The following HROB variants were observed in gnomAD, a reference collection of about 807,000 sequenced individuals.
The protein encoded by HROB is homologous recombination OB-fold protein.
In HROB, 44 loss-of-function variants were observed where a neutral mutation model predicts 61.0. That is an observed-to-expected ratio of 0.72 (90% CI 0.57 to 0.93). HROB has a LOEUF of 0.93. HROB is among the 40% of genes least tolerant of loss of function. The pLI is 0.00. For missense variants in HROB, 716 were observed against 796.2 expected (o/e 0.90, Z 1.21); for synonymous variants, 301 against 310.4 (o/e 0.97, Z 0.32).
rs1349100663 is a variant in HROB at position 44,162,210 on chromosome 17, T to C, written c.*278T>C. 2.4e-6 allele frequency: 1 copy of C among 415,056 alleles called. No individual in the cohort carries two copies. The highest frequency in any genetic ancestry group is 2.0e-5 in the African/African-American group (1 of 49,226). 25.7% of individuals were successfully genotyped at this position (415,056 alleles called of 1,614,324 possible). The stretch of plus-strand genomic sequence containing the variant: ...GTCACCCTCGCCTTGGGTGTCCCTC[T>C]CCTGCCTCAGCTTAATTTTAGAGGA... On this transcript the variant is annotated 3_prime_UTR_variant, in exon 10 of 10. Coordinates refer to ENST00000585683, the MANE Select transcript of HROB (RefSeq NM_001171251.3).
intron 9 of HROB, among the ~76,000 whole-genome samples, chr17:44,158,814 T>A (rs905405701): frequency 6.6e-6 from 1 of 152,024 alleles, no homozygotes; most frequent in African/African-American, 2.4e-5. Flanking sequence ...CCCAGCTAAT[T>A]TTTTGTGTAT....
Position 44,148,632 on chromosome 17 carries a change from G to A in HROB, c.829G>A (p.Ala277Thr), listed in dbSNP as rs939252942. The stretch of plus-strand genomic sequence containing the variant: ...CTGTCCGCAACGCTCCCCTGTTCAA[G>A]CACTTCAGCCTCTCCAAGCTGCTAG... ...EVCPQRSPVQALQPLQAARGT... is the reference protein window; with the variant it reads ...EVCPQRSPVQTLQPLQAARGT... The change falls in exon 3 of 10, where the codon GCA (alanine) becomes ACA (threonine). Residue 277 changes from alanine to threonine, a missense_variant. Transcript: ENST00000585683. 1.9e-6 allele frequency: 3 copies of A among 1,613,556 alleles called. No homozygotes were observed. Among genetic ancestry groups the A allele is most frequent in the African/African-American group, 2.7e-5 (2 of 75,016 alleles).
Position 44,150,443 on chromosome 17 carries a change from G to A in HROB, c.1225-518G>A, listed in dbSNP as rs193053086. Among the ~76,000 whole-genome samples the A allele has an allele frequency of 5.0e-4, 76 of 150,808 alleles. 1 individual carries two copies. Among genetic ancestry groups the A allele is most frequent in the Non-Finnish European group, 1.2e-4 (8 of 67,818 alleles). ...CTTGCTCTCTCGTCCAGGCAGGAGT[G>A]CAGTGGCACAATCTCGGCTCACTGC... On this transcript the variant is annotated intron_variant, in intron 3 of 9. Transcript: ENST00000585683.
intron 2 of HROB, among the ~76,000 whole-genome samples, chr17:44,145,548 G>T (rs1598084723): frequency 6.6e-6 from 1 of 152,232 alleles, no homozygotes. Flanking sequence ...CATACTTGCA[G>T]TGGGAAGGGC....
At position 44,162,374 on chromosome 17, in the gene HROB, T is replaced by C; in HGVS notation, c.*442T>C. 5.8e-6 allele frequency: 1 copy of C among 172,304 alleles called. No homozygotes were observed. Among genetic ancestry groups the C allele is most frequent in the Non-Finnish European group, 1.2e-5 (1 of 80,738 alleles). 10.7% of individuals were successfully genotyped at this position (172,304 alleles called of 1,614,324 possible). Reference sequence around the variant, plus strand: ...GCTCAGGCTTCCTCTGCTTTGTCTCTTCAGACCTGTGGTTGCTCTGCTCAT... The same window carrying C: ...GCTCAGGCTTCCTCTGCTTTGTCTCCTCAGACCTGTGGTTGCTCTGCTCAT... On this transcript the variant is annotated 3_prime_UTR_variant, in exon 10 of 10. Transcript: ENST00000585683.
In HROB at chr17:44,142,153, CGCGCCCAGCTTGG is replaced by C. The variant is rs1168467981; in HGVS notation, c.3+10_3+22del. ...CCACCCGCCGTCGCTATGGTAATGC[CGCGCCCAGCTTGG>C]GGGCTGGCGGGCCGCAGGGCCCCCT... On this transcript the variant is annotated intron_variant, in intron 1 of 9. Coordinates refer to ENST00000585683, the MANE Select transcript of HROB (RefSeq NM_001171251.3). The C allele has an allele frequency of 6.6e-7, 1 of 1,523,020 alleles. No homozygotes were observed. The highest frequency in any genetic ancestry group is 8.8e-7 in the Non-Finnish European group (1 of 1,140,530). The allele number at this position is 1,523,020 out of a possible 1,614,324, so 94.3% of individuals were successfully genotyped here. A position where few individuals can be genotyped will look rare whatever the true frequency, so the allele number is the denominator to read the frequency against.
At chr17:44,159,909 C>G (rs1267022409) in intron 9 of HROB, among the ~76,000 whole-genome samples, 1 of 152,248 alleles carries the variant, frequency 6.6e-6, no homozygotes, top group Non-Finnish European at 1.5e-5. Context: ...GTTGAAGCCT[C>G]CAGATGATTG....
At chr17:44,143,542 G>A (rs2905982) in intron 1 of HROB, among the ~76,000 whole-genome samples, 58,762 of 151,706 alleles carry the variant, frequency 0.39, 13,007 homozygotes, top group East Asian at 0.71. Flanking sequence ...TACTTGGGAG[G>A]CTAAGGCAGG....
intron 1 of HROB, among the ~76,000 whole-genome samples, chr17:44,144,249 C>T (rs910741508): frequency 3.9e-5 from 6 of 152,078 alleles, no homozygotes; most frequent in Non-Finnish European, 5.9e-5. Context: ...AAGCGATTCT[C>T]CTGCCTCAGC....
chr17:44,161,810 C>T (rs2054148913), intron 9 of HROB, 61 bp from the exon 10 acceptor site: 1 of 1,573,614 alleles, frequency 6.4e-7, no homozygotes, highest in Non-Finnish European at 8.7e-7. Flanking sequence ...AAACTTTGGA[C>T]CTGAGTCACA....
rs373094846 is a variant in HROB at position 44,147,925 on chromosome 17, G to C, written c.122G>C (p.Arg41Pro). ...GGCTCACTGCCTGTGAATGCTGGGCGCCTGAGACCTGTCTCTTCTAGGCCA... is the reference window on the plus strand; with the variant it reads ...GGCTCACTGCCTGTGAATGCTGGGCCCCTGAGACCTGTCTCTTCTAGGCCA... The part of the protein sequence containing the change: ...FTGSLPVNAG[R>P]LRPVSSRPQE... Residue 41 changes from arginine (R) to proline (P), a missense_variant, in exon 3 of 10, where the codon CGC (arginine) becomes CCC (proline). Physicochemically the swap from Arg to Pro is moderately radical, Grantham distance 103. Coordinates refer to ENST00000585683, the MANE Select transcript of HROB (RefSeq NM_001171251.3). 1.9e-6 allele frequency: 3 copies of C among 1,613,990 alleles called. No homozygotes were observed. Among genetic ancestry groups the C allele is most frequent in the Non-Finnish European group, 2.5e-6 (3 of 1,180,022 alleles).
intron 8 of HROB, among the ~76,000 whole-genome samples, chr17:44,155,856 G>A (rs1331960230): frequency 2.0e-5 from 3 of 152,172 alleles, no homozygotes; most frequent in Non-Finnish European, 4.4e-5. Context: ...TAAATTAGGG[G>A]GAAGCTGCAC....
At chr17:44,158,791 G>A (rs970718357) in intron 9 of HROB, among the ~76,000 whole-genome samples, 1 of 151,956 alleles carries the variant, frequency 6.6e-6, no homozygotes, top group East Asian at 1.9e-4. Context: ...GACTACAGGC[G>A]CCCGCCACCA....
At chr17:44,153,486 G>T (rs1338129619) in intron 5 of HROB, among the ~76,000 whole-genome samples, 1 of 152,062 alleles carries the variant, frequency 6.6e-6, no homozygotes, top group East Asian at 1.9e-4. Flanking sequence ...GGGCGTGGTG[G>T]CTCACACCTA....
At position 44,151,915 on chromosome 17, in the gene HROB, C is replaced by T. The variant is rs1185457593; in HGVS notation, c.1309-722C>T. 2.0e-5 allele frequency among the ~76,000 whole-genome samples: 3 copies of T among 151,966 alleles called. No individual in the cohort carries two copies. In the East Asian group the frequency reaches 5.8e-4, roughly 29 times the overall value. ...AGGCTGGAGTGCAGTGTCGTGATCT[C>T]GGCTCACTGCAACCTCCGCCTCCTG... On this transcript the variant is annotated intron_variant, in intron 4 of 9. Transcript: ENST00000585683.
At chr17:44,143,289 A>C (rs1236751906) in intron 1 of HROB, among the ~76,000 whole-genome samples, 1 of 151,878 alleles carries the variant, frequency 6.6e-6, no homozygotes, top group East Asian at 2.0e-4. Context: ...TGGGAGGATC[A>C]CTTGAGCCCA....
chr17:44,150,172 G>C (rs1179007945), intron 3 of HROB, among the ~76,000 whole-genome samples: 1 of 152,292 alleles, frequency 6.6e-6, no homozygotes, highest in African/African-American at 2.4e-5. Context: ...GGACTCTGAG[G>C]ATCTGGACTG....
chr17:44,152,730 C>A lies in HROB; in HGVS notation c.1402C>A (p.Pro468Thr), dbSNP rs779435823. Residue 468 changes from proline (P) to threonine (T), a missense_variant, in exon 5 of 10, where the codon CCT (proline) becomes ACT (threonine). Coordinates refer to ENST00000585683, the MANE Select transcript of HROB (RefSeq NM_001171251.3). ...CACGCTAGGCCTGGATGAGAGAGAC[C>A]CTAGCTGCTTCCTCTGTACCTACAG... Reference protein sequence around the residue: ...KSTLGLDERDPSCFLCTYSIV... With the variant: ...KSTLGLDERDTSCFLCTYSIV... The A allele has an allele frequency of 6.2e-7, 1 of 1,614,116 alleles. No homozygotes were observed. The highest frequency in any genetic ancestry group is 1.3e-5 in the African/African-American group (1 of 75,034).
At position 44,159,386 on chromosome 17, in the gene HROB, A is replaced by G. The variant is rs558554966; in HGVS notation, c.1879+1445A>G. The stretch of plus-strand genomic sequence containing the variant: ...CAAGAGCTGAAGGGACATTGTGAGA[A>G]GTGACCAGAAGACAAGAGTTGGGTG... On this transcript the variant is annotated intron_variant, in intron 9 of 9. Transcript: ENST00000585683. 4.6e-5 allele frequency among the ~76,000 whole-genome samples: 7 copies of G among 152,356 alleles called. No homozygotes were observed. In the East Asian group the frequency reaches 9.6e-4, roughly 21 times the overall value.
Sources: gnomAD v4.1 joint callset for allele counts (sites outside exome capture counted in the v4.1 genomes callset) on GRCh38, gnomAD v4.1.1 for gene constraint, MANE v1.5 for transcripts, NCBI Gene and HGNC (gene_info 2026-07-23, HGNC 2026-07-21) for gene names.